Variants in TSC22D4 observed in about 807,000 individuals in gnomAD.
TSC22D4 encodes TSC22 domain family member 4.
Under a neutral mutation model 24.9 loss-of-function variants are expected in TSC22D4, and 5 were observed. The ratio of observed to expected loss-of-function variants is 0.20; its 90% CI spans 0.10 to 0.42. TSC22D4 has a LOEUF of 0.42. Among genes scored for constraint, TSC22D4 ranks in the 10% least tolerant of loss-of-function variants. TSC22D4 has a pLI of 1.00. For synonymous variants in TSC22D4, 245 were observed against 243.2 expected (o/e 1.01, Z -0.07); for missense variants, 469 against 547.9 (o/e 0.86, Z 1.44).
chr7:100,477,535 C>T lies in TSC22D4; in HGVS notation c.504G>A (p.Gly168=). 6.4e-7 allele frequency: 1 copy of T among 1,560,960 alleles called. No individual in the cohort carries two copies. Among genetic ancestry groups the T allele is most frequent in the African/African-American group, 1.4e-5 (1 of 73,566 alleles). The change falls in exon 2 of 5, where the codon GGG becomes GGA. Residue 168 remains glycine, a synonymous_variant. Transcript: ENST00000300181. This position sits in a 1 kb window ranked among gnomAD's most constrained non-coding sequence, Gnocchi z 7.8. The stretch of plus-strand genomic sequence containing the variant: ...TGGGCACCACCAGCTGGCCCAGTCC[C>T]CCAGTGAAGGAGCGGGCCTGAGGTC... ...SPGPQARSFT[G]GLGQLVVPSK... is the part of the protein sequence containing the mutation.
At chr7:100,472,821 GC>G (rs1403174894) in intron 3 of TSC22D4, among the ~76,000 whole-genome samples, 1 of 151,980 alleles carries the variant, frequency 6.6e-6, no homozygotes, top group Non-Finnish European at 1.5e-5. Context: ...TCAGTGGTGG[GC>G]TTGAGTCCCT....
At chr7:100,471,748 AAAAACAAAAAC>A (rs1282502988) in intron 3 of TSC22D4, among the ~76,000 whole-genome samples, 1 of 152,086 alleles carries the variant, frequency 6.6e-6, no homozygotes, top group Non-Finnish European at 1.5e-5. Context: ...TAAAAAAGAA[AAAAACAAAAAC>A]AAAACAAAAA....
At chr7:100,471,225 G>A (rs1463128919) in intron 3 of TSC22D4, among the ~76,000 whole-genome samples, 9 of 148,650 alleles carry the variant, frequency 6.1e-5, no homozygotes, top group Non-Finnish European at 1.0e-4. Flanking sequence ...GGCTGGGGAG[G>A]TCGGGGAGGG....
rs774205266 is a variant in TSC22D4, at chr7:100,477,834, AAGGGGCCCC to A, written c.196_204del (p.Gly66_Pro68del). ...AGCTTCACCACCCGGAAACGGGAGG[AAGGGGCCCC>A]AGGTGGTGGGGAGCCATTCCGGGGG... On this transcript the variant is annotated inframe_deletion, in exon 2 of 5. Coordinates refer to ENST00000300181, the MANE Select transcript of TSC22D4 (RefSeq NM_030935.5). The surrounding 1 kb of genome is among the most constrained non-coding windows in gnomAD (Gnocchi z 7.8). 6.2e-7 allele frequency: 1 copy of A among 1,603,036 alleles called. No homozygotes were observed. Among genetic ancestry groups the A allele is most frequent in the East Asian group, 2.2e-5 (1 of 44,602 alleles).
Position 100,477,209 on chromosome 7 carries a change from G to A in TSC22D4, c.762+68C>T. 1 of 1,253,916 alleles carries A rather than the reference G, an allele frequency of 8.0e-7. No homozygotes were observed. Among genetic ancestry groups the A allele is most frequent in the Non-Finnish European group, 1.1e-6 (1 of 950,992 alleles). 77.7% of individuals were successfully genotyped at this position (1,253,916 alleles called of 1,614,324 possible). Reference sequence around the variant, plus strand: ...AAGGAGGAGGAGAGGGGGGGGAGGAGGAGGAAGGAGGCTCAAGATAGAGGT... The same window carrying A: ...AAGGAGGAGGAGAGGGGGGGGAGGAAGAGGAAGGAGGCTCAAGATAGAGGT... On this transcript the variant is annotated intron_variant, in intron 2 of 4. Coordinates refer to ENST00000300181, the MANE Select transcript of TSC22D4 (RefSeq NM_030935.5). The surrounding 1 kb of genome is among the most constrained non-coding windows in gnomAD (Gnocchi z 7.8).
At chr7:100,478,346 AGAGAGTGTGTGT>A (rs1162400014) in intron 1 of TSC22D4, 39 bp from the exon 2 acceptor site, 177 of 269,886 alleles carry the variant, frequency 6.6e-4, no homozygotes, top group African/African-American at 2.7e-3. Context: ...AGAGAGAGAG[AGAGAGTGTGTGT>A]GTGTGTGTGT....
intron 3 of TSC22D4, among the ~76,000 whole-genome samples, chr7:100,472,281 C>G (rs1246990019): frequency 1.3e-5 from 2 of 152,064 alleles, no homozygotes; most frequent in African/African-American, 4.8e-5. Context: ...GTGGCCCAAC[C>G]CAAACCCGCT....
chr7:100,475,775 A>G (rs1390257065), intron 2 of TSC22D4, among the ~76,000 whole-genome samples: 2 of 151,910 alleles, frequency 1.3e-5, no homozygotes, highest in African/African-American at 2.4e-5. Context: ...GGCGGGGGCG[A>G]CAGGAACATG....
Position 100,474,221 on chromosome 7 carries a change from G to A in TSC22D4, c.929+53C>T. Reference sequence around the variant, plus strand: ...GCACTTTCTTACAGCTACCCCGGGTGCTGGGCGGGGAACCTGAACCCCACG... The same window carrying A: ...GCACTTTCTTACAGCTACCCCGGGTACTGGGCGGGGAACCTGAACCCCACG... On this transcript the variant is annotated intron_variant, in intron 3 of 4. Transcript: ENST00000300181. This position sits in a 1 kb window ranked among gnomAD's most constrained non-coding sequence, Gnocchi z 4.3. The A allele has an allele frequency of 6.3e-7, 1 of 1,598,374 alleles. No homozygotes were observed. The highest frequency in any genetic ancestry group is 8.6e-7 in the Non-Finnish European group (1 of 1,168,740).
chr7:100,467,044 A>G lies in TSC22D4; in HGVS notation c.1103T>C (p.Leu368Pro). Residue 368 changes from leucine (L) to proline (P), a missense_variant, in exon 5 of 5, where the codon CTG becomes CCG. By Grantham distance (98) the Leu-to-Pro change is moderately conservative. Coordinates refer to ENST00000300181, the MANE Select transcript of TSC22D4 (RefSeq NM_030935.5). Reference sequence around the variant, plus strand: ...CTGAGCCAGCTGCTCCGGGCTGGCCAGGGCGCGCAGCAGCCCATTCTCCTG... The same window carrying G: ...CTGAGCCAGCTGCTCCGGGCTGGCCGGGGCGCGCAGCAGCCCATTCTCCTG... ...LEQENGLLRALASPEQLAQLP... is the reference protein window; with the variant it reads ...LEQENGLLRAPASPEQLAQLP... The G allele has an allele frequency of 1.2e-6, 2 of 1,613,574 alleles. No homozygotes were observed. Among genetic ancestry groups the G allele is most frequent in the Non-Finnish European group, 1.7e-6 (2 of 1,179,858 alleles).
At chr7:100,467,784 G>A (rs1294877805) in intron 3 of TSC22D4, 184 bp from the exon 4 acceptor site, 1 of 712,470 alleles carries the variant, frequency 1.4e-6, no homozygotes, top group South Asian at 1.5e-5. Context: ...GGCCCCGGTG[G>A]GGCGGGGGCC....
At chr7:100,470,583 G>GGT (rs963092993) in intron 3 of TSC22D4, among the ~76,000 whole-genome samples, 20 of 152,294 alleles carry the variant, frequency 1.3e-4, no homozygotes, top group African/African-American at 4.6e-4. Flanking sequence ...TGGGATTACA[G>GGT]GTGTGAGTCA....
rs553764619 is a variant in TSC22D4, at chr7:100,477,197, G to T, written c.762+80C>A. 7 of 1,079,076 alleles carry T rather than the reference G, an allele frequency of 6.5e-6. No homozygotes were observed. In the South Asian group the frequency reaches 1.1e-4, roughly 17 times the overall value. 66.8% of individuals were successfully genotyped at this position (1,079,076 alleles called of 1,614,324 possible). ...AAAGTGATGGAGAAGGAGGAGGAGA[G>T]GGGGGGGAGGAGGAGGAAGGAGGCT... On this transcript the variant is annotated intron_variant, in intron 2 of 4. Coordinates refer to ENST00000300181, the MANE Select transcript of TSC22D4 (RefSeq NM_030935.5). The surrounding 1 kb of genome is among the most constrained non-coding windows in gnomAD (Gnocchi z 7.8).
At chr7:100,472,100 G>A (rs1002068328) in intron 3 of TSC22D4, among the ~76,000 whole-genome samples, 5 of 151,796 alleles carry the variant, frequency 3.3e-5, no homozygotes, top group Non-Finnish European at 7.4e-5. Flanking sequence ...CCAGATTCAG[G>A]GACTGGTCAG....
rs1799540550 is a variant in TSC22D4 at position 100,477,985 on chromosome 7, G to A, written c.54C>T (p.Asp18=). ...CCCCTGGGCTCCCAGGGCCCTCATA[G>A]TCCGTGGTGACGCTGGTGATTTGGA... ...SSFQITSVTT[D]YEGPGSPGAS... Residue 18 remains aspartate (D), a synonymous_variant, in exon 2 of 5, where the codon GAC becomes GAT. Coordinates refer to ENST00000300181, the MANE Select transcript of TSC22D4 (RefSeq NM_030935.5). The surrounding 1 kb of genome is among the most constrained non-coding windows in gnomAD (Gnocchi z 7.8). The A allele has an allele frequency of 1.3e-6, 2 of 1,585,336 alleles. No individual in the cohort carries two copies. The highest frequency in any genetic ancestry group is 1.7e-6 in the Non-Finnish European group (2 of 1,168,118).
Position 100,470,282 on chromosome 7 carries a change from CA to C in TSC22D4, c.930-2683del, listed in dbSNP as rs149015264. The stretch of plus-strand genomic sequence containing the variant: ...ACAGCAATAAACGTTTGTTAGCCGA[CA>C]GGTGACTGTCTTCTGTTTGTCTAGC... On this transcript the variant is annotated intron_variant, in intron 3 of 4. Transcript: ENST00000300181. 4.2e-3 allele frequency among the ~76,000 whole-genome samples: 634 copies of C among 152,204 alleles called. 8 individuals are homozygous for C. The highest frequency in any genetic ancestry group is 0.031 in the Middle Eastern group (9 of 294).
At chr7:100,468,080 G>C in intron 3 of TSC22D4, 1 of 395,818 alleles carries the variant, frequency 2.5e-6, no homozygotes, top group Non-Finnish European at 5.1e-6. Context: ...CAGTGCCTCG[G>C]GGGTGCTGGC....
chr7:100,477,822 G>A lies in TSC22D4; in HGVS notation c.217C>T (p.Arg73Trp), dbSNP rs755683099. 2.5e-6 allele frequency: 4 copies of A among 1,605,112 alleles called. No individual in the cohort carries two copies. The highest frequency in any genetic ancestry group is 3.4e-6 in the Non-Finnish European group (4 of 1,178,340). The part of the protein sequence containing the change: ...PPPGAPSSRF[R>W]VVKLPHGLGE... ...AGGCCGTGGGGCAGCTTCACCACCC[G>A]GAAACGGGAGGAAGGGGCCCCAGGT... is the stretch of plus-strand genomic sequence containing the variant. Residue 73 changes from arginine to tryptophan, a missense_variant, in exon 2 of 5, where the codon CGG becomes TGG. Arg to Trp is a moderately radical substitution (Grantham distance 101). Coordinates refer to ENST00000300181, the MANE Select transcript of TSC22D4 (RefSeq NM_030935.5). This position sits in a 1 kb window ranked among gnomAD's most constrained non-coding sequence, Gnocchi z 7.8.
chr7:100,476,655 C>T (rs148801723), intron 2 of TSC22D4, among the ~76,000 whole-genome samples: 12 of 152,202 alleles, frequency 7.9e-5, no homozygotes, highest in East Asian at 1.9e-4. Context: ...CTCAGATGGA[C>T]GGGGGTGAGC....
Sources: gnomAD v4.1 joint callset for allele counts (sites outside exome capture counted in the v4.1 genomes callset) on GRCh38, gnomAD v4.1.1 for gene constraint, Gnocchi (gnomAD v3.1) non-coding constraint, MANE v1.5 for transcripts, NCBI Gene and HGNC (gene_info 2026-07-23, HGNC 2026-07-21) for gene names.